Variants in CFAP47 observed in about 807,000 individuals in gnomAD.
The protein encoded by CFAP47 is cilia- and flagella-associated protein 47.
A neutral mutation model predicts 148.1 loss-of-function variants in CFAP47; 29 were observed. That is an observed-to-expected ratio of 0.20 (90% CI 0.15 to 0.27). The LOEUF is 0.27. Among genes scored for constraint, CFAP47 ranks in the 10% least tolerant of loss-of-function variants. CFAP47 has a pLI of 1.00. For missense variants in CFAP47, 1,872 were observed against 1,697.5 expected (o/e 1.10, Z -1.81); for synonymous variants, 664 against 577.3 (o/e 1.15, Z -2.15).
At chrX:35,928,293 C>T (rs1296063373) in intron 2 of CFAP47, among the ~76,000 whole-genome samples, 2 of 110,657 alleles carry the variant, frequency 1.8e-5, no homozygotes, top group Non-Finnish European at 3.8e-5. Context: ...TCCACTTTTA[C>T]GGTATCTTTG....
At chrX:36,174,016 A>C (rs1279380989) in intron 39 of CFAP47, among the ~76,000 whole-genome samples, 1 of 109,869 alleles carries the variant, frequency 9.1e-6, no homozygotes, top group Non-Finnish European at 1.9e-5. Context: ...TAGGATAGTT[A>C]GCTCTTCTTG....
At chrX:36,168,702 C>T (rs1939524675) in intron 39 of CFAP47, among the ~76,000 whole-genome samples, 1 of 112,258 alleles carries the variant, frequency 8.9e-6, no homozygotes, top group South Asian at 3.7e-4. Context: ...GCTGGGATTA[C>T]AGGCATGAGC....
chrX:36,099,769 C>G lies in CFAP47; in HGVS notation c.5017C>G (p.Pro1673Ala). ...IEIMSSTNTM[P>A]VSSCTPKKKC... ...CTTAAAGTCTTCCACTAATACGATG[C>G]CTGTGAGTTCCTGTACACCTAAGAA... Residue 1673 changes from proline to alanine, a missense_variant, in exon 32 of 64, where the codon CCT (proline) becomes GCT (alanine). Pro to Ala is a conservative substitution (Grantham distance 27). Transcript: ENST00000378653. 1 of 836,652 alleles carries G rather than the reference C, an allele frequency of 1.2e-6. No homozygotes were observed. Among genetic ancestry groups the G allele is most frequent in the Non-Finnish European group, 1.8e-6 (1 of 563,105 alleles). 68.9% of individuals were successfully genotyped at this position (836,652 alleles called of 1,213,427 possible). A position where few individuals can be genotyped will look rare whatever the true frequency, so the allele number is the denominator to read the frequency against.
At chrX:35,928,179 T>C (rs1450581768) in intron 2 of CFAP47, among the ~76,000 whole-genome samples, 3 of 110,250 alleles carry the variant, frequency 2.7e-5, no homozygotes, top group Non-Finnish European at 5.7e-5. Flanking sequence ...TGAGTGTAAT[T>C]GTAGGGTCAT....
chrX:36,170,431 A>G (rs1184788028), intron 39 of CFAP47, among the ~76,000 whole-genome samples: 2 of 110,302 alleles, frequency 1.8e-5, no homozygotes, highest in South Asian at 3.9e-4. Flanking sequence ...ATATCTCCCA[A>G]TGCTATCCCT....
intron 45 of CFAP47, chrX:36,211,071 G>C (rs1602048848): frequency 1.6e-5 from 3 of 189,453 alleles, no homozygotes; most frequent in East Asian, 1.5e-4. Context: ...AGCCAGAAGG[G>C]CACTGGGCAA....
intron 45 of CFAP47, among the ~76,000 whole-genome samples, chrX:36,218,244 G>A (rs782437457): frequency 7.1e-5 from 8 of 112,611 alleles, no homozygotes; most frequent in African/African-American, 2.6e-4. Context: ...TTCTTTCCAT[G>A]TGGAGGGGTT....
chrX:36,269,109 T>C (rs1193122010), intron 49 of CFAP47, among the ~76,000 whole-genome samples: 1 of 112,169 alleles, frequency 8.9e-6, no homozygotes, highest in African/African-American at 3.2e-5. Context: ...GTGATCTCCC[T>C]GTTGTTATTG....
intron 46 of CFAP47, among the ~76,000 whole-genome samples, chrX:36,230,348 C>G (rs1414516151): frequency 3.7e-5 from 4 of 108,578 alleles, no homozygotes; most frequent in Non-Finnish European, 7.6e-5. Context: ...ATTTGCATTT[C>G]TCTGATGGCC....
At chrX:36,057,516 T>G (rs1403568083) in intron 26 of CFAP47, among the ~76,000 whole-genome samples, 1 of 112,010 alleles carries the variant, frequency 8.9e-6, no homozygotes, top group Non-Finnish European at 1.9e-5. Flanking sequence ...TCAGTCTTCA[T>G]AGCTGACTCT....
At chrX:36,279,231 ATG>A (rs1556003169) in intron 49 of CFAP47, among the ~76,000 whole-genome samples, 26 of 111,319 alleles carry the variant, frequency 2.3e-4, no homozygotes, top group African/African-American at 8.5e-4. Context: ...TGTTTTCCAT[ATG>A]CGTTTCATTT....
chrX:36,007,760 T>A (rs143590370), intron 21 of CFAP47, among the ~76,000 whole-genome samples: 1 of 111,951 alleles, frequency 8.9e-6, no homozygotes, highest in East Asian at 2.8e-4. Context: ...AAGTCCAGTA[T>A]GACTTTTCAC....
chrX:36,322,589 T>C (rs1192378296), intron 57 of CFAP47, among the ~76,000 whole-genome samples: 8 of 111,568 alleles, frequency 7.2e-5, no homozygotes, highest in Non-Finnish European at 1.5e-4. Flanking sequence ...GACCAACATT[T>C]GTGTTCCATT....
chrX:36,143,460 G>A (rs1007675658), intron 35 of CFAP47, among the ~76,000 whole-genome samples: 3 of 111,724 alleles, frequency 2.7e-5, no homozygotes, highest in African/African-American at 6.5e-5. Context: ...GGCTCAGATC[G>A]TGTTCAGTTG....
intron 15 of CFAP47, among the ~76,000 whole-genome samples, chrX:35,983,163 C>A (rs972875822): frequency 9.0e-6 from 1 of 111,329 alleles, no homozygotes; most frequent in African/African-American, 3.3e-5. Flanking sequence ...AGATCTTTCA[C>A]CTCCCTGGTT....
At chrX:36,165,273 A>G (rs764287477) in intron 39 of CFAP47, among the ~76,000 whole-genome samples, 1 of 111,790 alleles carries the variant, frequency 8.9e-6, no homozygotes, top group East Asian at 2.8e-4. Context: ...GCTATATTGT[A>G]TGTCTTTTTG....
chrX:36,327,372 A>C (rs782535978), intron 57 of CFAP47, among the ~76,000 whole-genome samples: 1 of 112,351 alleles, frequency 8.9e-6, no homozygotes, highest in Admixed American at 9.5e-5. Context: ...AAAATGCTAA[A>C]CATCACTAAT....
intron 33 of CFAP47, among the ~76,000 whole-genome samples, chrX:36,118,503 T>C (rs1369196688): frequency 1.8e-5 from 2 of 111,212 alleles, no homozygotes; most frequent in Non-Finnish European, 3.8e-5. Context: ...GGAGTCTTGC[T>C]CTGTCACCCA....
intron 29 of CFAP47, among the ~76,000 whole-genome samples, chrX:36,083,123 C>T (rs1038209533): frequency 2.4e-4 from 26 of 110,573 alleles, no homozygotes; most frequent in Non-Finnish European, 4.2e-4. Flanking sequence ...AGCACTTTTC[C>T]AAATTATGTT....
Sources: gnomAD v4.1 joint callset for allele counts (sites outside exome capture counted in the v4.1 genomes callset) on GRCh38, gnomAD v4.1.1 for gene constraint, MANE v1.5 for transcripts, NCBI Gene and HGNC (gene_info 2026-07-23, HGNC 2026-07-21) for gene names.